Variants in PDZD2 observed in about 807,000 individuals in gnomAD.
PDZD2 encodes PDZ domain containing 2.
PDZD2 carries 90 observed loss-of-function variants against 220.7 expected under a neutral mutation model. The ratio of observed to expected loss-of-function variants is 0.41; its 90% CI spans 0.34 to 0.49. The LOEUF (loss-of-function observed/expected upper bound fraction) is 0.49, where lower values mean the gene tolerates loss of function less well. PDZD2 is among the 20% of genes least tolerant of loss of function. The pLI is 0.28. For synonymous variants in PDZD2, 1,375 were observed against 1,450.5 expected, an observed-to-expected ratio of 0.95 and a Z score of 1.18; for missense variants, 3,174 against 3,608.5, an observed-to-expected ratio of 0.88 and a Z score of 3.08.
chr5:32,025,472 C>A (rs1360443999), intron 6 of PDZD2, among the ~76,000 whole-genome samples: 2 of 149,290 alleles, frequency 1.3e-5, no homozygotes, highest in South Asian at 2.3e-4. Flanking sequence ...TTGTGGTGAG[C>A]CAAGATCGCG....
intron 1 of PDZD2, among the ~76,000 whole-genome samples, chr5:31,651,994 A>ATTTTTT (rs10676854): frequency 3.8e-5 from 5 of 130,296 alleles, no homozygotes; most frequent in Non-Finnish European, 6.3e-5. Flanking sequence ...TAATTTTTGT[A>ATTTTTT]TTTTTTTTTT....
chr5:31,992,708 T>G (rs1320768146), intron 3 of PDZD2, among the ~76,000 whole-genome samples: 4 of 152,100 alleles, frequency 2.6e-5, no homozygotes, highest in South Asian at 2.1e-4. Flanking sequence ...ATTTCTGGAC[T>G]CTAAGAATGG....
intron 1 of PDZD2, among the ~76,000 whole-genome samples, chr5:31,744,894 C>A (rs954937295): frequency 1.3e-5 from 2 of 151,958 alleles, no homozygotes; most frequent in African/African-American, 4.8e-5. Context: ...CATGGTGAAA[C>A]CCCGCCTCTA....
intron 17 of PDZD2, among the ~76,000 whole-genome samples, chr5:32,073,154 C>A (rs1740919791): frequency 6.6e-6 from 1 of 152,052 alleles, no homozygotes; most frequent in Non-Finnish European, 1.5e-5. Flanking sequence ...AGAAGAAAAT[C>A]CCCTTGTTTT....
chr5:31,684,201 T>C (rs1308581438), intron 1 of PDZD2, among the ~76,000 whole-genome samples: 1 of 152,190 alleles, frequency 6.6e-6, no homozygotes, highest in Non-Finnish European at 1.5e-5. Flanking sequence ...ACAGTCCTAC[T>C]TGGGTGTCTG....
chr5:32,103,360 G>A (rs1744444602), intron 24 of PDZD2: 1 of 152,316 alleles, frequency 6.6e-6, no homozygotes, highest in Non-Finnish European at 1.5e-5. Flanking sequence ...GGAGGCTGCA[G>A]TGAGCAGGAC....
chr5:32,049,681 C>T (rs17433352), intron 8 of PDZD2, among the ~76,000 whole-genome samples: 36,718 of 152,146 alleles, frequency 0.24, 5,033 homozygotes, highest in Non-Finnish European at 0.31. Flanking sequence ...TCTGTTGCTT[C>T]CGATGCCCTT....
At chr5:31,953,059 C>CA (rs776311443) in intron 2 of PDZD2, among the ~76,000 whole-genome samples, 5,066 of 53,244 alleles carry the variant, frequency 0.095, 168 homozygotes, top group African/African-American at 0.18. Context: ...GACTCCATCT[C>CA]AAAAAAAAAA....
intron 2 of PDZD2, among the ~76,000 whole-genome samples, chr5:31,925,846 A>G (rs1221914021): frequency 2.0e-5 from 3 of 152,168 alleles, no homozygotes; most frequent in African/African-American, 2.4e-5. Context: ...GTGGCCAGCA[A>G]ACATGAAAAA....
chr5:31,662,641 T>C (rs1745812266), intron 1 of PDZD2, among the ~76,000 whole-genome samples: 1 of 152,154 alleles, frequency 6.6e-6, no homozygotes, highest in African/African-American at 2.4e-5. Context: ...ATCCCCTTTC[T>C]TTTTTTGAGA....
At chr5:31,750,990 C>A (rs1750927958) in intron 1 of PDZD2, among the ~76,000 whole-genome samples, 1 of 152,086 alleles carries the variant, frequency 6.6e-6, no homozygotes, top group Admixed American at 6.6e-5. Context: ...TACCTGTAAT[C>A]CTAGCACTTT....
intron 1 of PDZD2, among the ~76,000 whole-genome samples, chr5:31,682,356 C>T (rs1420709043): frequency 2.0e-5 from 3 of 152,136 alleles, no homozygotes; most frequent in African/African-American, 7.2e-5. Flanking sequence ...AACTGTCCCC[C>T]GGGAGAATGT....
At chr5:31,880,791 C>CTTTTTTTTTTTTTTTTTT (rs1037018187) in intron 2 of PDZD2, among the ~76,000 whole-genome samples, 10 of 76,486 alleles carry the variant, frequency 1.3e-4, no homozygotes, top group African/African-American at 3.2e-4. Flanking sequence ...TTTTTTTTTT[C>CTTTTTTTTTTTTTTTTTT]TTTTTTTTTT....
At chr5:31,852,848 C>T (rs1758139668) in intron 2 of PDZD2, among the ~76,000 whole-genome samples, 2 of 152,130 alleles carry the variant, frequency 1.3e-5, no homozygotes, top group Non-Finnish European at 2.9e-5. Context: ...CCACCCACCT[C>T]GACCTCCCAA....
intron 1 of PDZD2, among the ~76,000 whole-genome samples, chr5:31,691,387 G>A (rs971860623): frequency 2.9e-5 from 4 of 136,794 alleles, no homozygotes; most frequent in African/African-American, 1.1e-4. Flanking sequence ...TGCACAGAGC[G>A]AAAGAACAAA....
At chr5:32,076,583 C>T (rs768304080) in intron 18 of PDZD2, among the ~76,000 whole-genome samples, 19 of 152,058 alleles carry the variant, frequency 1.2e-4, no homozygotes, top group Non-Finnish European at 2.2e-4. Flanking sequence ...TCTTTTGGTA[C>T]GTGAGTTAAA....
intron 6 of PDZD2, among the ~76,000 whole-genome samples, chr5:32,023,888 T>C (rs1754414600): frequency 6.6e-6 from 1 of 152,238 alleles, no homozygotes; most frequent in Admixed American, 6.5e-5. Context: ...AAGTTTTAAA[T>C]TGTGTGCCAT....
chr5:31,707,633 G>A (rs142978395), intron 1 of PDZD2, among the ~76,000 whole-genome samples: 3,038 of 147,148 alleles, frequency 0.021, 57 homozygotes, highest in South Asian at 0.074. Flanking sequence ...CTGCAAAAGT[G>A]AACTTGCTTT....
intron 1 of PDZD2, among the ~76,000 whole-genome samples, chr5:31,746,934 G>A (rs545784990): frequency 6.6e-6 from 1 of 152,242 alleles, no homozygotes; most frequent in East Asian, 1.9e-4. Flanking sequence ...TCAGCACTTT[G>A]GGAGGCTGAG....
Sources: allele counts gnomAD v4.1 joint callset (sites outside exome capture counted in the v4.1 genomes callset), GRCh38; gene constraint gnomAD v4.1.1; transcripts MANE v1.5; gene names NCBI Gene and HGNC (gene_info 2026-07-23, HGNC 2026-07-21).